Variants in KCND2 observed in about 807,000 individuals in gnomAD.
KCND2 encodes A-type voltage-gated potassium channel KCND2.
A neutral mutation model predicts 54.4 loss-of-function variants in KCND2; 16 were observed. The observed-to-expected ratio is 0.29, with a 90% confidence interval of 0.20 to 0.45. The LOEUF is 0.45. KCND2 is among the 20% of genes least tolerant of loss of function. KCND2 has a pLI of 1.00. For missense variants in KCND2, 486 were observed against 824.2 expected (o/e 0.59, Z 5.02); for synonymous variants, 317 against 310.7 (o/e 1.02, Z -0.21).
At chr7:120,389,273 A>G (rs1287122744) in intron 1 of KCND2, among the ~76,000 whole-genome samples, 1 of 151,970 alleles carries the variant, frequency 6.6e-6, no homozygotes, top group Non-Finnish European at 1.5e-5. Context: ...CCTAAGATAT[A>G]CATGATATTT....
chr7:120,391,364 C>T (rs1349953332), intron 1 of KCND2, among the ~76,000 whole-genome samples: 1 of 152,120 alleles, frequency 6.6e-6, no homozygotes, highest in East Asian at 1.9e-4. Context: ...GTAAATAGTG[C>T]TGCAATAAAC....
chr7:120,455,132 C>CT (rs957797464), intron 1 of KCND2, among the ~76,000 whole-genome samples: 11 of 151,776 alleles, frequency 7.2e-5, no homozygotes, highest in Admixed American at 2.6e-4. Context: ...AGATTCAATA[C>CT]TTTTTTTTAT....
At chr7:120,565,834 A>G (rs4730963) in intron 1 of KCND2, among the ~76,000 whole-genome samples, 140,846 of 152,120 alleles carry the variant, frequency 0.93, 65,797 homozygotes, top group Middle Eastern at 0.99. Flanking sequence ...AGTATGAATC[A>G]TTGACAAATA....
At chr7:120,728,132 CAAAAAAAA>C (rs571232607) in intron 1 of KCND2, among the ~76,000 whole-genome samples, 1 of 46,866 alleles carries the variant, frequency 2.1e-5, no homozygotes, top group Non-Finnish European at 4.5e-5. Flanking sequence ...GATTCCGTCT[CAAAAAAAA>C]AAAAAAAAGA....
At chr7:120,405,899 G>A (rs1801348199) in intron 1 of KCND2, among the ~76,000 whole-genome samples, 2 of 151,946 alleles carry the variant, frequency 1.3e-5, no homozygotes, top group South Asian at 4.1e-4. Context: ...ACTATAAATT[G>A]CATTGAGTGT....
intron 1 of KCND2, among the ~76,000 whole-genome samples, chr7:120,442,120 G>A (rs1801953673): frequency 6.6e-6 from 1 of 151,934 alleles, no homozygotes; most frequent in African/African-American, 2.4e-5. Context: ...CTGAATCAGG[G>A]GACTGACTAC....
At chr7:120,591,929 A>G (rs80026846) in intron 1 of KCND2, among the ~76,000 whole-genome samples, 1 of 152,232 alleles carries the variant, frequency 6.6e-6, no homozygotes, top group African/African-American at 2.4e-5. Context: ...CACTATGTGC[A>G]AATGGTTTTA....
intron 1 of KCND2, among the ~76,000 whole-genome samples, chr7:120,449,328 CAA>C (rs58305865): frequency 1.9e-3 from 235 of 125,406 alleles, no homozygotes; most frequent in African/African-American, 6.0e-3. Context: ...GACTCCGTCT[CAA>C]AAAAAAAAAA....
At chr7:120,653,201 A>AT (rs34093547) in intron 1 of KCND2, among the ~76,000 whole-genome samples, 2,436 of 137,720 alleles carry the variant, frequency 0.018, 23 homozygotes, top group South Asian at 0.025. Flanking sequence ...GCCTGGCTAC[A>AT]TTTTTTTTTT....
At chr7:120,617,583 T>C (rs1793044043) in intron 1 of KCND2, among the ~76,000 whole-genome samples, 2 of 152,328 alleles carry the variant, frequency 1.3e-5, no homozygotes, top group South Asian at 2.1e-4. Flanking sequence ...CAGTTCTCTT[T>C]GGAGATTTCT....
Position 120,711,694 on chromosome 7 carries a change from A to G in KCND2, c.1116-21209A>G, listed in dbSNP as rs79352033. Among the ~76,000 whole-genome samples, 1,038 of 152,318 alleles carry G rather than the reference A, an allele frequency of 6.8e-3. 9 individuals carry two copies. Among genetic ancestry groups the G allele is most frequent in the African/African-American group, 0.023 (968 of 41,588 alleles). ...GCTTTAAATAGTTTTTGTAATTTATAGAAGTTCTGTTCAGGTTTAGTTGAT... is the reference window on the plus strand; with the variant it reads ...GCTTTAAATAGTTTTTGTAATTTATGGAAGTTCTGTTCAGGTTTAGTTGAT... On this transcript the variant is annotated intron_variant, in intron 1 of 5. Coordinates refer to ENST00000331113, the MANE Select transcript of KCND2 (RefSeq NM_012281.3).
At chr7:120,490,723 T>C (rs753224839) in intron 1 of KCND2, among the ~76,000 whole-genome samples, 8 of 152,144 alleles carry the variant, frequency 5.3e-5, no homozygotes, top group Non-Finnish European at 1.2e-4. Context: ...CCTAGGAGAT[T>C]GCAAACGTGC....
At chr7:120,636,606 G>A (rs916248581) in intron 1 of KCND2, among the ~76,000 whole-genome samples, 1 of 151,984 alleles carries the variant, frequency 6.6e-6, no homozygotes, top group African/African-American at 2.4e-5. Flanking sequence ...ACCAAGTGAA[G>A]CTGTACTTTT....
In KCND2 at chr7:120,733,173, A is replaced by T; in HGVS notation, c.1278+108A>T. 3 of 1,070,686 alleles carry T rather than the reference A, an allele frequency of 2.8e-6. 1 individual carries two copies. Among genetic ancestry groups the T allele is most frequent in the South Asian group, 2.6e-5 (2 of 76,456 alleles). The allele number at this position is 1,070,686 out of a possible 1,614,324, so 66.3% of individuals were successfully genotyped here. A position where few individuals can be genotyped will look rare whatever the true frequency, so the allele number is the denominator to read the frequency against. On this transcript the variant is annotated intron_variant, in intron 2 of 5. Coordinates refer to ENST00000331113, the MANE Select transcript of KCND2 (RefSeq NM_012281.3). ...GTGCTCTGGATTGGTCAGTAGTTGC[A>T]TCAATCAGGACCGAGTAGGTTATTC...
chr7:120,284,113 A>G (rs1799303843), intron 1 of KCND2, among the ~76,000 whole-genome samples: 1 of 152,172 alleles, frequency 6.6e-6, no homozygotes, highest in Non-Finnish European at 1.5e-5. Context: ...CCAGATGAAC[A>G]AATTGTGAAA....
At chr7:120,548,728 C>T (rs913722639) in intron 1 of KCND2, among the ~76,000 whole-genome samples, 3 of 152,124 alleles carry the variant, frequency 2.0e-5, no homozygotes, top group Non-Finnish European at 4.4e-5. Flanking sequence ...GATTCAATCA[C>T]CTTACCACAG....
At chr7:120,533,558 T>C (rs1303739657) in intron 1 of KCND2, among the ~76,000 whole-genome samples, 1 of 152,142 alleles carries the variant, frequency 6.6e-6, no homozygotes, top group Non-Finnish European at 1.5e-5. Context: ...GTGGTACTGC[T>C]CTTAAAAATG....
chr7:120,337,744 A>G (rs1186652629), intron 1 of KCND2, among the ~76,000 whole-genome samples: 1 of 152,242 alleles, frequency 6.6e-6, no homozygotes, highest in Admixed American at 6.5e-5. Flanking sequence ...AAGAAAGATA[A>G]TAACTGATTA....
chr7:120,369,393 G>C (rs1009977545), intron 1 of KCND2, among the ~76,000 whole-genome samples: 4 of 151,920 alleles, frequency 2.6e-5, no homozygotes, highest in African/African-American at 9.7e-5. Context: ...AACAGCTTGC[G>C]GGGGTCAATC....
Sources: gnomAD v4.1 joint callset for allele counts (sites outside exome capture counted in the v4.1 genomes callset) on GRCh38, gnomAD v4.1.1 for gene constraint, MANE v1.5 for transcripts, NCBI Gene and HGNC (gene_info 2026-07-23, HGNC 2026-07-21) for gene names.